Variants in ARHGAP6 observed in about 807,000 individuals in gnomAD.
The protein encoded by ARHGAP6 is rho GTPase-activating protein 6.
Under a neutral mutation model 55.7 loss-of-function variants are expected in ARHGAP6, and 16 were observed. That is an observed-to-expected ratio of 0.29 (90% CI 0.19 to 0.44). The LOEUF is 0.44. Ranked by LOEUF, ARHGAP6 falls within the 20% of genes least tolerant of loss-of-function variation. The pLI is 1.00. For synonymous variants in ARHGAP6, 382 were observed against 360.9 expected (o/e 1.06, Z -0.66); for missense variants, 698 against 808.9 (o/e 0.86, Z 1.66).
chrX:11,486,610 G>C (rs1345167517), intron 1 of ARHGAP6, among the ~76,000 whole-genome samples: 1 of 112,088 alleles, frequency 8.9e-6, no homozygotes, highest in African/African-American at 3.2e-5. Flanking sequence ...CATGACATCA[G>C]GCCTTGCAGG....
intron 1 of ARHGAP6, among the ~76,000 whole-genome samples, chrX:11,566,574 G>A (rs1030826097): frequency 8.0e-5 from 9 of 112,301 alleles, no homozygotes; most frequent in Middle Eastern, 4.6e-3. Context: ...CTGGAACTTG[G>A]TTTTCTCTAT....
intron 2 of ARHGAP6, among the ~76,000 whole-genome samples, chrX:11,224,716 G>A (rs1447452650): frequency 1.8e-5 from 2 of 110,163 alleles, no homozygotes; most frequent in East Asian, 2.8e-4. Context: ...CTGAGTTACC[G>A]GAGCACATGG....
chrX:11,660,524 C>G lies in ARHGAP6; in HGVS notation c.588+3717G>C, dbSNP rs943088846. Among the ~76,000 whole-genome samples, 10 of 52,739 alleles carry G rather than the reference C, an allele frequency of 1.9e-4. No homozygotes were observed. The East Asian group carries it at 7.4e-3, about 39-fold the overall frequency. The allele number at this position is 52,739 out of a possible 115,157, so 45.8% of individuals were successfully genotyped here. A position where few individuals can be genotyped will look rare whatever the true frequency, so the allele number is the denominator to read the frequency against. ...CCTGGGCAACAGGGTGAGACTCTCT[C>G]TCTCTCAAAAAAAAAAAAAAAAAAA... On this transcript the variant is annotated intron_variant, in intron 1 of 12. Coordinates refer to ENST00000337414, the MANE Select transcript of ARHGAP6 (RefSeq NM_013427.3).
intron 1 of ARHGAP6, among the ~76,000 whole-genome samples, chrX:11,535,012 T>C (rs1449386141): frequency 9.0e-6 from 1 of 111,168 alleles, no homozygotes; most frequent in Non-Finnish European, 1.9e-5. Context: ...TCTTATTTTC[T>C]TCCCCCCATT....
intron 9 of ARHGAP6, among the ~76,000 whole-genome samples, chrX:11,160,607 A>G (rs112654456): frequency 0.012 from 1,380 of 112,235 alleles, 30 homozygotes; most frequent in African/African-American, 0.042. Context: ...TAAATTATCA[A>G]CTTGGATGCA....
chrX:11,515,031 C>T (rs1443966678), intron 1 of ARHGAP6, among the ~76,000 whole-genome samples: 1 of 111,769 alleles, frequency 8.9e-6, no homozygotes, highest in Non-Finnish European at 1.9e-5. Context: ...AAAACCATAA[C>T]TGACAATGGC....
chrX:11,383,822 A>G (rs1057005596), intron 1 of ARHGAP6, among the ~76,000 whole-genome samples: 3 of 111,845 alleles, frequency 2.7e-5, no homozygotes, highest in Non-Finnish European at 5.6e-5. Context: ...GTACTGGAGA[A>G]CGAAGAAATT....
At chrX:11,355,019 C>A (rs1248870692) in intron 1 of ARHGAP6, among the ~76,000 whole-genome samples, 1 of 111,612 alleles carries the variant, frequency 9.0e-6, no homozygotes, top group Non-Finnish European at 1.9e-5. Flanking sequence ...TAGAAATTTG[C>A]ATTTAAATTG....
chrX:11,398,289 C>T (rs928875773), intron 1 of ARHGAP6, among the ~76,000 whole-genome samples: 9 of 105,641 alleles, frequency 8.5e-5, no homozygotes, highest in Admixed American at 4.0e-4. Context: ...AAAAAGAAAC[C>T]GTGGGAGTAT....
At chrX:11,176,232 CATATATATAT>C (rs746195419) in intron 8 of ARHGAP6, among the ~76,000 whole-genome samples, 11 of 23,917 alleles carry the variant, frequency 4.6e-4, no homozygotes, top group East Asian at 8.8e-3. Flanking sequence ...AGAGGATTTG[CATATATATAT>C]ATATATATAT....
intron 1 of ARHGAP6, among the ~76,000 whole-genome samples, chrX:11,388,616 T>C (rs908840582): frequency 8.9e-6 from 1 of 111,786 alleles, no homozygotes; most frequent in Non-Finnish European, 1.9e-5. Flanking sequence ...GTTTTAGACA[T>C]GAAGTCCTTG....
At chrX:11,413,141 G>A (rs967731939) in intron 1 of ARHGAP6, among the ~76,000 whole-genome samples, 1 of 111,984 alleles carries the variant, frequency 8.9e-6, no homozygotes, top group Admixed American at 9.5e-5. Flanking sequence ...CGACCTACTC[G>A]TTGCTTCAAA....
At chrX:11,462,306 C>T (rs1178099141) in intron 1 of ARHGAP6, among the ~76,000 whole-genome samples, 1 of 111,942 alleles carries the variant, frequency 8.9e-6, no homozygotes. Context: ...TCGAAGGGAA[C>T]TGCCTCATCT....
At chrX:11,203,593 T>G (rs975526216) in intron 2 of ARHGAP6, among the ~76,000 whole-genome samples, 1 of 111,961 alleles carries the variant, frequency 8.9e-6, no homozygotes, top group African/African-American at 3.2e-5. Flanking sequence ...ATTTTATGCT[T>G]AGGAGATTTT....
intron 1 of ARHGAP6, among the ~76,000 whole-genome samples, chrX:11,429,332 G>A (rs2049920212): frequency 1.8e-5 from 2 of 111,691 alleles, no homozygotes; most frequent in Admixed American, 1.9e-4. Context: ...AAAGTGGGAA[G>A]GTGGTATTGA....
At chrX:11,241,974 G>A (rs1033710192) in intron 2 of ARHGAP6, among the ~76,000 whole-genome samples, 2 of 111,619 alleles carry the variant, frequency 1.8e-5, no homozygotes, top group Non-Finnish European at 3.8e-5. Context: ...ATTATCAAAG[G>A]TGTGGTCAGA....
intron 1 of ARHGAP6, among the ~76,000 whole-genome samples, chrX:11,572,629 A>T (rs2051537825): frequency 9.0e-6 from 1 of 111,486 alleles, no homozygotes; most frequent in South Asian, 3.8e-4. Context: ...TGCTATTGTG[A>T]ACAGTGCCGC....
intron 1 of ARHGAP6, among the ~76,000 whole-genome samples, chrX:11,340,727 T>TAAAA (rs375095149): frequency 1.3e-4 from 13 of 96,644 alleles, no homozygotes; most frequent in African/African-American, 2.4e-4. Context: ...AGACTCCGTC[T>TAAAA]AAAAAAAAAA....
intron 1 of ARHGAP6, among the ~76,000 whole-genome samples, chrX:11,590,339 A>T (rs1237221760): frequency 9.0e-6 from 1 of 111,559 alleles, no homozygotes; most frequent in Non-Finnish European, 1.9e-5. Flanking sequence ...CATCTCCAAT[A>T]ATACATATGC....
Sources: allele counts gnomAD v4.1 joint callset (sites outside exome capture counted in the v4.1 genomes callset), GRCh38; gene constraint gnomAD v4.1.1; transcripts MANE v1.5; gene names NCBI Gene and HGNC (gene_info 2026-07-23, HGNC 2026-07-21).